The following GMDS variants were observed in gnomAD, a reference collection of about 807,000 sequenced individuals.
GMDS encodes the protein GDP-mannose 4,6 dehydratase.
In GMDS, 20 loss-of-function variants were observed where a neutral mutation model predicts 49.9. The ratio of observed to expected loss-of-function variants is 0.40; its 90% CI spans 0.28 to 0.58. The LOEUF is 0.58. GMDS is among the 20% of genes least tolerant of loss of function. The probability of loss-of-function intolerance (pLI) is 0.42; values close to 1 mark genes in which losing one functional copy is unlikely to be tolerated. For synonymous variants in GMDS, 177 were observed against 178.6 expected, an observed-to-expected ratio of 0.99 and a Z score of 0.07; for missense variants, 362 against 481.4, an observed-to-expected ratio of 0.75 and a Z score of 2.32.
At chr6:1,882,666 A>G (rs961879333) in intron 7 of GMDS, among the ~76,000 whole-genome samples, 7 of 152,242 alleles carry the variant, frequency 4.6e-5, no homozygotes, top group African/African-American at 1.7e-4. Flanking sequence ...AGGGTCAGTG[A>G]GCAAAAGGAT....
intron 1 of GMDS, among the ~76,000 whole-genome samples, chr6:2,220,834 C>T (rs1780551990): frequency 6.6e-6 from 1 of 152,026 alleles, no homozygotes; most frequent in South Asian, 2.1e-4. Flanking sequence ...TCAACCTGTA[C>T]TTGTATGTCC....
intron 6 of GMDS, among the ~76,000 whole-genome samples, chr6:1,954,707 A>G (rs760897047): frequency 2.0e-5 from 3 of 152,246 alleles, no homozygotes; most frequent in Non-Finnish European, 4.4e-5. Context: ...CGATAAAAGC[A>G]GTCACATCTT....
At chr6:2,129,815 T>C (rs1239072832) in intron 1 of GMDS, among the ~76,000 whole-genome samples, 1 of 152,238 alleles carries the variant, frequency 6.6e-6, no homozygotes, top group Non-Finnish European at 1.5e-5. Flanking sequence ...CTGTGAAGAA[T>C]ACGGAGACAG....
chr6:1,972,463 C>A (rs2127325236), intron 4 of GMDS, among the ~76,000 whole-genome samples: 1 of 152,146 alleles, frequency 6.6e-6, no homozygotes, highest in African/African-American at 2.4e-5. Flanking sequence ...GAAAAACTCA[C>A]TGAGATTCTT....
At chr6:2,170,279 T>C (rs996370314) in intron 1 of GMDS, among the ~76,000 whole-genome samples, 1 of 152,128 alleles carries the variant, frequency 6.6e-6, no homozygotes, top group African/African-American at 2.4e-5. Context: ...TGTTATTACT[T>C]ACAGATTGGT....
intron 9 of GMDS, among the ~76,000 whole-genome samples, chr6:1,710,310 C>T (rs1057118478): frequency 7.9e-5 from 12 of 152,220 alleles, no homozygotes; most frequent in Non-Finnish European, 1.8e-4. Context: ...GCTGAGAACA[C>T]AGCAGATCTA....
At chr6:1,969,564 T>C (rs1220597290) in intron 4 of GMDS, among the ~76,000 whole-genome samples, 1 of 152,178 alleles carries the variant, frequency 6.6e-6, no homozygotes. Flanking sequence ...GCTTGTAACA[T>C]ACGTTGTTTG....
intron 1 of GMDS, among the ~76,000 whole-genome samples, chr6:2,225,446 C>T (rs3778568): frequency 0.11 from 16,813 of 152,218 alleles, 1,025 homozygotes; most frequent in Middle Eastern, 0.23. Flanking sequence ...CAAAGCTGAA[C>T]TAAAGATGAA....
chr6:1,732,118 GA>G (rs1766833969), intron 8 of GMDS, among the ~76,000 whole-genome samples: 4 of 152,186 alleles, frequency 2.6e-5, no homozygotes, highest in Admixed American at 2.0e-4. Flanking sequence ...ACAAGGTCTG[GA>G]GTTCAAGACC....
At chr6:1,965,193 A>G (rs1173262463) in intron 4 of GMDS, among the ~76,000 whole-genome samples, 1 of 152,150 alleles carries the variant, frequency 6.6e-6, no homozygotes, top group Non-Finnish European at 1.5e-5. Context: ...ATACCCAGTA[A>G]TGGGATGGCT....
intron 9 of GMDS, among the ~76,000 whole-genome samples, chr6:1,666,086 G>T (rs1764227053): frequency 6.6e-6 from 1 of 152,196 alleles, no homozygotes; most frequent in African/African-American, 2.4e-5. Context: ...AGGGCTTCCG[G>T]TCTACAGGAG....
intron 4 of GMDS, among the ~76,000 whole-genome samples, chr6:2,069,514 C>T (rs1164420548): frequency 7.2e-5 from 11 of 151,930 alleles, no homozygotes; most frequent in Non-Finnish European, 1.3e-4. Context: ...TCGCAACCTA[C>T]TCATCTGACA....
chr6:1,793,539 A>C (rs149349600), intron 7 of GMDS, among the ~76,000 whole-genome samples: 1 of 152,314 alleles, frequency 6.6e-6, no homozygotes, highest in East Asian at 1.9e-4. Context: ...AGCGAATGTC[A>C]TCAACTCCAG....
At chr6:1,677,509 T>C (rs933578790) in intron 9 of GMDS, among the ~76,000 whole-genome samples, 1 of 152,094 alleles carries the variant, frequency 6.6e-6, no homozygotes, top group Non-Finnish European at 1.5e-5. Context: ...ATGTTTATTG[T>C]GGCACTATTC....
chr6:2,066,749 C>T (rs1429012214), intron 4 of GMDS, among the ~76,000 whole-genome samples: 1 of 152,054 alleles, frequency 6.6e-6, no homozygotes, highest in Non-Finnish European at 1.5e-5. Flanking sequence ...TACAGGAGCA[C>T]CCAGATTCAT....
At chr6:1,925,389 T>A (rs1441631631) in intron 7 of GMDS, among the ~76,000 whole-genome samples, 1 of 152,238 alleles carries the variant, frequency 6.6e-6, no homozygotes, top group Non-Finnish European at 1.5e-5. Flanking sequence ...AAGTAAGGAC[T>A]TTTTATAAAT....
chr6:1,968,235 A>G (rs553822450), intron 4 of GMDS, among the ~76,000 whole-genome samples: 24 of 152,372 alleles, frequency 1.6e-4, no homozygotes, highest in African/African-American at 5.8e-4. Flanking sequence ...ACTAGTCATA[A>G]TAATGACAAA....
At chr6:1,732,629 A>G (rs375144526) in intron 8 of GMDS, among the ~76,000 whole-genome samples, 63 of 152,342 alleles carry the variant, frequency 4.1e-4, no homozygotes, top group African/African-American at 1.4e-3. Context: ...TAGAATTTCC[A>G]GAAACAAATA....
chr6:1,702,988 C>G (rs1373234652), intron 9 of GMDS, among the ~76,000 whole-genome samples: 1 of 152,264 alleles, frequency 6.6e-6, no homozygotes, highest in African/African-American at 2.4e-5. Flanking sequence ...GGACCAGAGT[C>G]CACATGTGCA....
Sources: gnomAD v4.1 joint callset for allele counts (sites outside exome capture counted in the v4.1 genomes callset) on GRCh38, gnomAD v4.1.1 for gene constraint, MANE v1.5 for transcripts, NCBI Gene and HGNC (gene_info 2026-07-23, HGNC 2026-07-21) for gene names.